RNLS: variants seen among roughly 807,000 people sequenced by gnomAD.
RNLS encodes the protein renalase.
A neutral mutation model predicts 39.8 loss-of-function variants in RNLS; 39 were observed. That is an observed-to-expected ratio of 0.98 (90% CI 0.76 to 1.28). The LOEUF (loss-of-function observed/expected upper bound fraction) is 1.28, where lower values mean the gene tolerates loss of function less well. RNLS is among the 50% of genes most tolerant of loss of function. The pLI is 0.00. For synonymous variants in RNLS, 147 were observed against 150.7 expected, an observed-to-expected ratio of 0.98 and a Z score of 0.18; for missense variants, 410 against 413.3, an observed-to-expected ratio of 0.99 and a Z score of 0.07.
At chr10:88,480,679 C>T (rs1351260526) in intron 4 of RNLS, among the ~76,000 whole-genome samples, 4 of 152,176 alleles carry the variant, frequency 2.6e-5, no homozygotes, top group Admixed American at 6.6e-5. Context: ...GCCTTGGCCT[C>T]CCAAAGTGCT....
chr10:88,525,047 A>AATAAACTG (rs1847033118), intron 4 of RNLS, among the ~76,000 whole-genome samples: 1 of 147,148 alleles, frequency 6.8e-6, no homozygotes, highest in Non-Finnish European at 1.5e-5. Context: ...TAAATAAATA[A>AATAAACTG]ATAAACTGCA....
chr10:88,572,511 T>C (rs958814164), intron 4 of RNLS, among the ~76,000 whole-genome samples: 43 of 152,028 alleles, frequency 2.8e-4, no homozygotes, highest in African/African-American at 1.0e-3. Context: ...CAGACAGAAG[T>C]AAACACAATT....
intron 4 of RNLS, among the ~76,000 whole-genome samples, chr10:88,368,851 CTA>C (rs1347061933): frequency 6.6e-6 from 1 of 152,066 alleles, no homozygotes; most frequent in African/African-American, 2.4e-5. Flanking sequence ...TTCAGAAACA[CTA>C]TACCAATTTA....
chr10:88,209,411 G>A, the RNLS span, among the ~76,000 whole-genome samples: 2 of 152,116 alleles, frequency 1.3e-5, no homozygotes, highest in African/African-American at 2.4e-5. Flanking sequence ...ATGTGATGAC[G>A]ATGGCAGAGA....
At chr10:88,490,189 T>C (rs1252832082) in intron 4 of RNLS, among the ~76,000 whole-genome samples, 1 of 152,200 alleles carries the variant, frequency 6.6e-6, no homozygotes, top group Non-Finnish European at 1.5e-5. Context: ...CATTACCTTT[T>C]AGAAGCTGAA....
chr10:88,200,938 A>G, the RNLS span, among the ~76,000 whole-genome samples: 1 of 152,066 alleles, frequency 6.6e-6, no homozygotes, highest in Non-Finnish European at 1.5e-5. Context: ...TTTCTGAAAC[A>G]GCCAAGGACT....
chr10:88,475,219 T>C (rs1843742507), intron 4 of RNLS, among the ~76,000 whole-genome samples: 1 of 152,116 alleles, frequency 6.6e-6, no homozygotes, highest in Non-Finnish European at 1.5e-5. Context: ...TCATTGGGAT[T>C]TTCACCTGCT....
downstream of RNLS, among the ~76,000 whole-genome samples, chr10:88,279,980 A>G (rs1411338633): frequency 6.6e-6 from 1 of 152,068 alleles, no homozygotes; most frequent in Non-Finnish European, 1.5e-5. Context: ...GGGTTTCACC[A>G]TGTTTTGCTG....
chr10:88,310,825 AAAG>A (rs1184140294), intron 6 of RNLS, among the ~76,000 whole-genome samples: 10 of 140,088 alleles, frequency 7.1e-5, no homozygotes, highest in African/African-American at 1.9e-4. Flanking sequence ...AAAAAAAAAA[AAAG>A]AAAGAAAAGG....
At chr10:88,265,332 T>C in the RNLS span, among the ~76,000 whole-genome samples, 5 of 146,878 alleles carry the variant, frequency 3.4e-5, no homozygotes, top group East Asian at 2.0e-4. Context: ...TCTTTTTTTT[T>C]TTTTTTTTTT....
intron 4 of RNLS, among the ~76,000 whole-genome samples, chr10:88,513,949 T>C (rs1846280146): frequency 6.6e-6 from 1 of 151,992 alleles, no homozygotes; most frequent in African/African-American, 2.4e-5. Flanking sequence ...AGTTCAACAT[T>C]TTTTTTCATG....
chr10:88,273,908 T>A (rs1053621366), exon 7 of RNLS: 39 of 152,218 alleles, frequency 2.6e-4, no homozygotes, highest in African/African-American at 9.2e-4. Context: ...TGTTTACTCA[T>A]AAGGCAGAAC....
intron 4 of RNLS, among the ~76,000 whole-genome samples, chr10:88,386,159 A>G (rs1198274524): frequency 6.6e-6 from 1 of 152,172 alleles, no homozygotes; most frequent in East Asian, 1.9e-4. Context: ...GCCTTCCTTA[A>G]ACTCTAACAA....
chr10:88,376,685 C>T (rs1476697586), intron 4 of RNLS, among the ~76,000 whole-genome samples: 1 of 152,060 alleles, frequency 6.6e-6, no homozygotes, highest in African/African-American at 2.4e-5. Context: ...AATGGGATTA[C>T]ACTCACATAT....
intron 4 of RNLS, among the ~76,000 whole-genome samples, chr10:88,507,933 A>G (rs1414825199): frequency 1.3e-5 from 2 of 152,202 alleles, no homozygotes; most frequent in African/African-American, 4.8e-5. Flanking sequence ...TATTTCTGCC[A>G]CCTTAAAATA....
the RNLS span, among the ~76,000 whole-genome samples, chr10:88,188,928 G>C: frequency 2.0e-5 from 3 of 152,084 alleles, no homozygotes; most frequent in African/African-American, 7.2e-5. Context: ...TTTCAAATTT[G>C]AGCTAATCCT....
chr10:88,355,815 G>A (rs940325491), intron 5 of RNLS, among the ~76,000 whole-genome samples: 5 of 152,204 alleles, frequency 3.3e-5, no homozygotes, highest in African/African-American at 1.2e-4. Flanking sequence ...CAGAGGTGGG[G>A]TCTACAGAGG....
At chr10:88,300,563 C>G (rs79523478) in intron 6 of RNLS, among the ~76,000 whole-genome samples, 7,824 of 152,238 alleles carry the variant, frequency 0.051, 273 homozygotes, top group South Asian at 0.1. Context: ...TACTTCTTAC[C>G]ACTTCCTCCC....
At chr10:88,188,376 A>G in the RNLS span, among the ~76,000 whole-genome samples, 6 of 152,320 alleles carry the variant, frequency 3.9e-5, no homozygotes, top group East Asian at 1.2e-3. Flanking sequence ...TCTTTATCTT[A>G]AAGCCGGCAG....
Sources: allele counts gnomAD v4.1 joint callset (sites outside exome capture counted in the v4.1 genomes callset), GRCh38; gene constraint gnomAD v4.1.1; transcripts MANE v1.5; gene names NCBI Gene and HGNC (gene_info 2026-07-23, HGNC 2026-07-21).